The following HPSE2 variants were observed in gnomAD, a reference collection of about 807,000 sequenced individuals.
The protein encoded by HPSE2 is heparanase 2 (inactive), also known as inactive heparanase-2.
Under a neutral mutation model 60.5 loss-of-function variants are expected in HPSE2, and 38 were observed. That is an observed-to-expected ratio of 0.63 (90% CI 0.48 to 0.82). The LOEUF is 0.82. Among genes scored for constraint, HPSE2 ranks in the 40% least tolerant of loss-of-function variants. The pLI is 0.00. For synonymous variants in HPSE2, 295 were observed against 293.2 expected (o/e 1.01, Z -0.06); for missense variants, 713 against 740.4 (o/e 0.96, Z 0.43).
chr10:98,831,449 C>T lies in HPSE2; in HGVS notation c.611-87393G>A, dbSNP rs139086492. Among the ~76,000 whole-genome samples the T allele has an allele frequency of 5.5e-3, 837 of 152,274 alleles. 6 individuals carry two copies. Among genetic ancestry groups the T allele is most frequent in the African/African-American group, 0.019 (802 of 41,540 alleles). ...TTTATTGAAACAAGGGAATGAACCC[C>T]ATCCTATAAACTAGCACAACTGAGT... On this transcript the variant is annotated intron_variant, in intron 3 of 11. Coordinates refer to ENST00000370552, the MANE Select transcript of HPSE2 (RefSeq NM_021828.5).
At chr10:99,137,748 G>A (rs973122307) in intron 3 of HPSE2, among the ~76,000 whole-genome samples, 4 of 152,146 alleles carry the variant, frequency 2.6e-5, no homozygotes, top group Non-Finnish European at 5.9e-5. Flanking sequence ...ACTCAAGATG[G>A]AACAAATACT....
rs576134021 is a variant in HPSE2, at chr10:98,941,862, G to C, written c.611-197806C>G. Among the ~76,000 whole-genome samples the C allele has an allele frequency of 6.5e-3, 924 of 141,332 alleles. 52 individuals are homozygous for C. The highest frequency in any genetic ancestry group is 0.011 in the Middle Eastern group (3 of 278). 92.7% of individuals were successfully genotyped at this position (141,332 alleles called of 152,430 possible). On this transcript the variant is annotated intron_variant, in intron 3 of 11. Coordinates refer to ENST00000370552, the MANE Select transcript of HPSE2 (RefSeq NM_021828.5). The stretch of plus-strand genomic sequence containing the variant: ...AGGCTACAGTAACCAAAACAGCATG[G>C]TACTGGTACCAAAACAGAGATATAG...
At chr10:98,958,210 T>C (rs769383110) in intron 3 of HPSE2, among the ~76,000 whole-genome samples, 4 of 152,136 alleles carry the variant, frequency 2.6e-5, no homozygotes, top group African/African-American at 4.8e-5. Context: ...TGCACACACA[T>C]ATATTTACAC....
At chr10:98,495,509 T>C (rs2133694227) in intron 9 of HPSE2, among the ~76,000 whole-genome samples, 1 of 152,280 alleles carries the variant, frequency 6.6e-6, no homozygotes, top group South Asian at 2.1e-4. Context: ...TCCCACAGTG[T>C]GTATATTAGT....
At chr10:98,694,858 T>C (rs915116767) in intron 5 of HPSE2, among the ~76,000 whole-genome samples, 6 of 152,188 alleles carry the variant, frequency 3.9e-5, no homozygotes, top group Non-Finnish European at 8.8e-5. Context: ...GTATCTCAGC[T>C]CTTTAAGACA....
At chr10:98,701,496 G>T (rs1382964147) in intron 5 of HPSE2, among the ~76,000 whole-genome samples, 2 of 112,122 alleles carry the variant, frequency 1.8e-5, no homozygotes, top group Non-Finnish European at 3.5e-5. Flanking sequence ...GTTGTGGGGT[G>T]GGGGGAGGGG....
chr10:98,749,164 C>T (rs78757771), intron 3 of HPSE2, among the ~76,000 whole-genome samples: 3,748 of 152,072 alleles, frequency 0.025, 60 homozygotes, highest in Non-Finnish European at 0.034. Context: ...TGAATTCACA[C>T]TAAGATATGA....
intron 9 of HPSE2, among the ~76,000 whole-genome samples, chr10:98,524,961 G>A (rs1942916135): frequency 6.6e-6 from 1 of 152,182 alleles, no homozygotes; most frequent in Admixed American, 6.6e-5. Flanking sequence ...GACAGATCAG[G>A]AGAGAGACTG....
intron 3 of HPSE2, among the ~76,000 whole-genome samples, chr10:99,028,890 C>T (rs888473360): frequency 1.3e-5 from 2 of 152,062 alleles, no homozygotes; most frequent in Non-Finnish European, 2.9e-5. Context: ...GGGGGAAAGA[C>T]GGTCTCTTCA....
intron 3 of HPSE2, among the ~76,000 whole-genome samples, chr10:98,906,454 T>C (rs766440840): frequency 6.6e-6 from 1 of 151,958 alleles, no homozygotes; most frequent in South Asian, 2.1e-4. Flanking sequence ...CCACAGAAAA[T>C]CTGGAGAGGA....
intron 9 of HPSE2, among the ~76,000 whole-genome samples, chr10:98,599,123 GATT>G: frequency 6.6e-6 from 1 of 152,166 alleles, no homozygotes; most frequent in African/African-American, 2.4e-5. Flanking sequence ...GGGCCACAGA[GATT>G]GACCTGAAGG....
chr10:98,522,466 C>CT (rs899578869), intron 9 of HPSE2, among the ~76,000 whole-genome samples: 5 of 151,742 alleles, frequency 3.3e-5, no homozygotes, highest in East Asian at 3.9e-4. Flanking sequence ...GTCAGCAAAT[C>CT]TTTTTTTTGT....
At chr10:98,916,607 T>C (rs192283018) in intron 3 of HPSE2, among the ~76,000 whole-genome samples, 7 of 152,342 alleles carry the variant, frequency 4.6e-5, no homozygotes, top group Admixed American at 2.6e-4. Context: ...CATATTCATG[T>C]AGGCCTCTGG....
chr10:99,014,178 C>A (rs1281032795), intron 3 of HPSE2, among the ~76,000 whole-genome samples: 1 of 152,236 alleles, frequency 6.6e-6, no homozygotes, highest in Admixed American at 6.5e-5. Flanking sequence ...GTGGACATTG[C>A]CACCAAGTTG....
At chr10:99,071,193 C>T (rs967418345) in intron 3 of HPSE2, among the ~76,000 whole-genome samples, 1 of 151,706 alleles carries the variant, frequency 6.6e-6, no homozygotes, top group African/African-American at 2.4e-5. Flanking sequence ...ACTCAGCCTC[C>T]TGAGTATCTG....
intron 6 of HPSE2, among the ~76,000 whole-genome samples, chr10:98,642,440 T>C (rs1001029748): frequency 6.6e-6 from 1 of 152,190 alleles, no homozygotes; most frequent in Non-Finnish European, 1.5e-5. Context: ...CTCCAGCTCA[T>C]TCCTGTGGGC....
chr10:98,555,355 T>C (rs1183387793), intron 9 of HPSE2, among the ~76,000 whole-genome samples: 1 of 152,192 alleles, frequency 6.6e-6, no homozygotes, highest in East Asian at 1.9e-4. Flanking sequence ...ATTCTGCCTT[T>C]TCTGCAGCCT....
At chr10:98,579,767 C>T (rs1944742145) in intron 9 of HPSE2, among the ~76,000 whole-genome samples, 3 of 152,184 alleles carry the variant, frequency 2.0e-5, no homozygotes, top group Non-Finnish European at 4.4e-5. Flanking sequence ...AGTTCTCACC[C>T]TTCCCCTCCA....
chr10:98,998,165 A>G (rs1202353626), intron 3 of HPSE2, among the ~76,000 whole-genome samples: 1 of 152,210 alleles, frequency 6.6e-6, no homozygotes, highest in Non-Finnish European at 1.5e-5. Context: ...AGCTCAAGCC[A>G]ACACTTAGTT....
Sources: allele counts gnomAD v4.1 joint callset (sites outside exome capture counted in the v4.1 genomes callset), GRCh38; gene constraint gnomAD v4.1.1; transcripts MANE v1.5; gene names NCBI Gene and HGNC (gene_info 2026-07-23, HGNC 2026-07-21).